IL2RA: variants seen among roughly 807,000 people sequenced by gnomAD.
The protein encoded by IL2RA is interleukin 2 receptor subunit alpha, also known as interleukin-2 receptor subunit alpha.
In IL2RA, 24 loss-of-function variants were observed where a neutral mutation model predicts 37.8. The observed-to-expected ratio is 0.63, with a 90% CI of 0.46 to 0.89. The LOEUF (loss-of-function observed/expected upper bound fraction) is 0.89. Among genes scored for constraint, IL2RA ranks in the 40% least tolerant of loss-of-function variants. IL2RA has a pLI of 0.00. For missense variants in IL2RA, 319 were observed against 348.6 expected (o/e 0.92, Z 0.68); for synonymous variants, 125 against 114.6 (o/e 1.09, Z -0.58).
intron 1 of IL2RA, among the ~76,000 whole-genome samples, chr10:6,027,450 A>C (rs1839503018): frequency 1.3e-5 from 2 of 152,234 alleles, no homozygotes; most frequent in Non-Finnish European, 2.9e-5. Flanking sequence ...AGGCAACATA[A>C]GTGCTCAATA....
chr10:6,060,693 G>T (rs967243552), intron 1 of IL2RA, among the ~76,000 whole-genome samples: 6 of 152,106 alleles, frequency 3.9e-5, no homozygotes, highest in Non-Finnish European at 5.9e-5. Context: ...TGAGGTGGAG[G>T]TTGCAGTGGA....
rs12722507 is a variant in IL2RA, at chr10:6,047,227, A to T, written c.64+14861T>A. Among the ~76,000 whole-genome samples, 359 of 152,314 alleles carry T rather than the reference A, an allele frequency of 2.4e-3. 3 individuals are homozygous for T. Among genetic ancestry groups the T allele is most frequent in the Non-Finnish European group, 4.0e-3 (274 of 68,026 alleles). ...TGTGGACACAGGTAGCCCAAGGAACAACCCCCATGCCAACAGCACTCCATC... is the reference window on the plus strand; with the variant it reads ...TGTGGACACAGGTAGCCCAAGGAACTACCCCCATGCCAACAGCACTCCATC... On this transcript the variant is annotated intron_variant, in intron 1 of 7. Transcript: ENST00000379959. This position sits in a 1 kb window ranked among gnomAD's most constrained non-coding sequence, Gnocchi z 5.0.
At chr10:6,043,253 T>C (rs982122005) in intron 1 of IL2RA, among the ~76,000 whole-genome samples, 11 of 152,098 alleles carry the variant, frequency 7.2e-5, no homozygotes, top group African/African-American at 2.7e-4. Flanking sequence ...AAAGCAAAGT[T>C]GCAAATAGAA....
Position 6,018,001 on chromosome 10 carries a change from G to C in IL2RA, c.794+52C>G. 6.8e-7 allele frequency: 1 copy of C among 1,471,102 alleles called. No individual in the cohort carries two copies. Among genetic ancestry groups the C allele is most frequent in the South Asian group, 1.2e-5 (1 of 85,798 alleles). 91.1% of individuals were successfully genotyped at this position (1,471,102 alleles called of 1,614,324 possible). A position where few individuals can be genotyped will look rare whatever the true frequency, so the allele number is the denominator to read the frequency against. Reference sequence around the variant, plus strand: ...GGTAGGGGGGAGGCAGGGTGGGGCTGGGTACAGGACTTTGATCTGACCAAG... The same window carrying C: ...GGTAGGGGGGAGGCAGGGTGGGGCTCGGTACAGGACTTTGATCTGACCAAG... On this transcript the variant is annotated intron_variant, in intron 7 of 7. Coordinates refer to ENST00000379959, the MANE Select transcript of IL2RA (RefSeq NM_000417.3). The surrounding 1 kb of genome is among the most constrained non-coding windows in gnomAD (Gnocchi z 5.1).
intron 1 of IL2RA, among the ~76,000 whole-genome samples, chr10:6,050,481 A>G (rs11256516): frequency 0.23 from 34,571 of 152,050 alleles, 4,581 homozygotes; most frequent in East Asian, 0.33. Flanking sequence ...TCTCTACTAA[A>G]AATACAAAAA....
rs1839243303 is a variant in IL2RA, at chr10:6,014,369, C to G, written c.795-1473G>C. 6.6e-6 allele frequency among the ~76,000 whole-genome samples: 1 copy of G among 152,084 alleles called. No homozygotes were observed. Among genetic ancestry groups the G allele is most frequent in the Admixed American group, 6.5e-5 (1 of 15,276 alleles). ...GGGCACCATGGGTTGATATCAGATTCTAGGAAGGCTTTTGGACAAACTGAC... is the reference window on the plus strand; with the variant it reads ...GGGCACCATGGGTTGATATCAGATTGTAGGAAGGCTTTTGGACAAACTGAC... On this transcript the variant is annotated intron_variant, in intron 7 of 7. Coordinates refer to ENST00000379959, the MANE Select transcript of IL2RA (RefSeq NM_000417.3). This position sits in a 1 kb window ranked among gnomAD's most constrained non-coding sequence, Gnocchi z 4.4.
rs1018828946 is a variant in IL2RA at position 6,028,823 on chromosome 10, T to C, written c.65-2798A>G. Among the ~76,000 whole-genome samples the C allele has an allele frequency of 3.3e-5, 5 of 151,874 alleles. No homozygotes were observed. The highest frequency in any genetic ancestry group is 2.6e-4 in the Admixed American group (4 of 15,248). The stretch of plus-strand genomic sequence containing the variant: ...GACCAGCCTGGCCAGCATGGTGACA[T>C]CCCATCTATACTAAAAATACAAAAG... On this transcript the variant is annotated intron_variant, in intron 1 of 7. Transcript: ENST00000379959. This position sits in a 1 kb window ranked among gnomAD's most constrained non-coding sequence, Gnocchi z 4.1.
intron 1 of IL2RA, among the ~76,000 whole-genome samples, chr10:6,059,863 A>AT (rs1840097745): frequency 6.6e-6 from 1 of 152,156 alleles, no homozygotes; most frequent in Non-Finnish European, 1.5e-5. Flanking sequence ...GTATTACTAT[A>AT]TTTATATCTA....
In IL2RA at chr10:6,018,085, G is replaced by T; in HGVS notation, c.762C>A (p.Leu254=). The T allele has an allele frequency of 6.2e-7, 1 of 1,614,038 alleles. No homozygotes were observed. Among genetic ancestry groups the T allele is most frequent in the South Asian group, 1.1e-5 (1 of 91,062 alleles). ...AGCVFLLISV[L]LLSGLTWQRR... is the part of the protein sequence containing the mutation. ...GCTGCCAGGTGAGCCCACTCAGGAGGAGGACGCTGATCAGCAGGAAAACAC... is the reference window on the plus strand; with the variant it reads ...GCTGCCAGGTGAGCCCACTCAGGAGTAGGACGCTGATCAGCAGGAAAACAC... Residue 254 remains leucine (L), a synonymous_variant, in exon 7 of 8, where the codon CTC becomes CTA. Coordinates refer to ENST00000379959, the MANE Select transcript of IL2RA (RefSeq NM_000417.3). This position sits in a 1 kb window ranked among gnomAD's most constrained non-coding sequence, Gnocchi z 5.1.
At chr10:6,050,805 G>C (rs577407613) in intron 1 of IL2RA, among the ~76,000 whole-genome samples, 1 of 152,332 alleles carries the variant, frequency 6.6e-6, no homozygotes, top group East Asian at 1.9e-4. Flanking sequence ...GGAGGAGGAG[G>C]ATGGGTGCCC....
chr10:6,028,545 G>A lies in IL2RA; in HGVS notation c.65-2520C>T, dbSNP rs1186105614. Among the ~76,000 whole-genome samples, 1 of 152,154 alleles carries A rather than the reference G, an allele frequency of 6.6e-6. No homozygotes were observed. Among genetic ancestry groups the A allele is most frequent in the African/African-American group, 2.4e-5 (1 of 41,440 alleles). On this transcript the variant is annotated intron_variant, in intron 1 of 7. Coordinates refer to ENST00000379959, the MANE Select transcript of IL2RA (RefSeq NM_000417.3). This position sits in a 1 kb window ranked among gnomAD's most constrained non-coding sequence, Gnocchi z 4.1. Reference sequence around the variant, plus strand: ...GATGCGCTAGTCATTTAACTGCCTGGCAGAGCAAAATGCATTACCTTTTAA... The same window carrying A: ...GATGCGCTAGTCATTTAACTGCCTGACAGAGCAAAATGCATTACCTTTTAA...
chr10:6,018,209 C>T lies in IL2RA; in HGVS notation c.728-90G>A. 2.2e-6 allele frequency: 2 copies of T among 928,278 alleles called. No individual in the cohort carries two copies. The highest frequency in any genetic ancestry group is 3.4e-6 in the Non-Finnish European group (2 of 595,730). The allele number at this position is 928,278 out of a possible 1,614,324, so 57.5% of individuals were successfully genotyped here. A position where few individuals can be genotyped will look rare whatever the true frequency, so the allele number is the denominator to read the frequency against. ...GGGCCACAGGGCAGGCTGAGGACAT[C>T]CCCAAAGAGCAAGGCGGAGGCTGCA... On this transcript the variant is annotated intron_variant, in intron 6 of 7. Coordinates refer to ENST00000379959, the MANE Select transcript of IL2RA (RefSeq NM_000417.3). The surrounding 1 kb of genome is among the most constrained non-coding windows in gnomAD (Gnocchi z 5.1).
Position 6,033,400 on chromosome 10 carries a change from T to C in IL2RA, c.65-7375A>G, listed in dbSNP as rs546274780. ...CCCTACAATTCAGCAATTCTACTTC[T>C]AGGTATTTATCTAAGAGGAATGAAG... On this transcript the variant is annotated intron_variant, in intron 1 of 7. Coordinates refer to ENST00000379959, the MANE Select transcript of IL2RA (RefSeq NM_000417.3). This position sits in a 1 kb window ranked among gnomAD's most constrained non-coding sequence, Gnocchi z 4.3. Among the ~76,000 whole-genome samples, 1 of 152,312 alleles carries C rather than the reference T, an allele frequency of 6.6e-6. No homozygotes were observed. Among genetic ancestry groups the C allele is most frequent in the Admixed American group, 6.5e-5 (1 of 15,298 alleles).
At chr10:6,019,789 T>C (rs1290960012) in intron 5 of IL2RA, 81 bp downstream of exon 5, 6 of 1,328,132 alleles carry the variant, frequency 4.5e-6, no homozygotes, top group Non-Finnish European at 6.5e-6. Context: ...CACCTCCGCC[T>C]ATCTCCCTGA....
Position 6,054,343 on chromosome 10 carries a change from G to T in IL2RA, c.64+7745C>A, listed in dbSNP as rs1840009782. Among the ~76,000 whole-genome samples the T allele has an allele frequency of 6.6e-6, 1 of 152,144 alleles. No homozygotes were observed. The highest frequency in any genetic ancestry group is 1.5e-5 in the Non-Finnish European group (1 of 68,028). ...GGGAAACAAGACCCAGGAACTCTTT[G>T]GCTGCCATCCAGGGTCATGTGGTGC... On this transcript the variant is annotated intron_variant, in intron 1 of 7. Coordinates refer to ENST00000379959, the MANE Select transcript of IL2RA (RefSeq NM_000417.3). The surrounding 1 kb of genome is among the most constrained non-coding windows in gnomAD (Gnocchi z 4.5).
At position 6,035,575 on chromosome 10, in the gene IL2RA, A is replaced by G. The variant is rs1018383680; in HGVS notation, c.65-9550T>C. 3.3e-5 allele frequency among the ~76,000 whole-genome samples: 5 copies of G among 152,300 alleles called. No individual in the cohort carries two copies. The highest frequency in any genetic ancestry group is 1.2e-4 in the African/African-American group (5 of 41,566). ...ACTCTGGACACTGTTAAGGTGAGAA[A>G]AGAAAAGAAATCGGGGCTCCCAGGA... On this transcript the variant is annotated intron_variant, in intron 1 of 7. Coordinates refer to ENST00000379959, the MANE Select transcript of IL2RA (RefSeq NM_000417.3). This position sits in a 1 kb window ranked among gnomAD's most constrained non-coding sequence, Gnocchi z 5.4.
At chr10:6,059,166 A>T (rs3118469) in intron 1 of IL2RA, among the ~76,000 whole-genome samples, 36,869 of 152,146 alleles carry the variant, frequency 0.24, 5,223 homozygotes, top group South Asian at 0.32. Flanking sequence ...GTCTTTGGCC[A>T]CTGGGTCCTC....
rs968729213 is a variant in IL2RA at position 6,020,534 on chromosome 10, G to C, written c.584-593C>G. On this transcript the variant is annotated intron_variant, in intron 4 of 7. Coordinates refer to ENST00000379959, the MANE Select transcript of IL2RA (RefSeq NM_000417.3). This position sits in a 1 kb window ranked among gnomAD's most constrained non-coding sequence, Gnocchi z 5.6. Reference sequence around the variant, plus strand: ...AAACCAGGAATACTTGTGGTTGAATGTAAGTCACTTTTTTTTTTTGAGACG... The same window carrying C: ...AAACCAGGAATACTTGTGGTTGAATCTAAGTCACTTTTTTTTTTTGAGACG... Among the ~76,000 whole-genome samples the C allele has an allele frequency of 7.3e-6, 1 of 136,152 alleles. No homozygotes were observed. Among genetic ancestry groups the C allele is most frequent in the African/African-American group, 2.9e-5 (1 of 34,638 alleles). The allele number at this position is 136,152 out of a possible 152,430, so 89.3% of individuals were successfully genotyped here.
rs1202353900 is a variant in IL2RA, at chr10:6,048,917, G to T, written c.64+13171C>A. Among the ~76,000 whole-genome samples, 1 of 152,228 alleles carries T rather than the reference G, an allele frequency of 6.6e-6. No individual in the cohort carries two copies. Among genetic ancestry groups the T allele is most frequent in the Admixed American group, 6.5e-5 (1 of 15,290 alleles). Reference sequence around the variant, plus strand: ...TTCCACTATGTGCCTGAGCTCTCCTGCCTTGCGGGACTCTGCGTGGCTCTT... The same window carrying T: ...TTCCACTATGTGCCTGAGCTCTCCTTCCTTGCGGGACTCTGCGTGGCTCTT... On this transcript the variant is annotated intron_variant, in intron 1 of 7. Coordinates refer to ENST00000379959, the MANE Select transcript of IL2RA (RefSeq NM_000417.3). This position sits in a 1 kb window ranked among gnomAD's most constrained non-coding sequence, Gnocchi z 5.3.
Sources: allele counts gnomAD v4.1 joint callset (sites outside exome capture counted in the v4.1 genomes callset), GRCh38; gene constraint gnomAD v4.1.1; non-coding constraint Gnocchi (gnomAD v3.1); transcripts MANE v1.5; gene names NCBI Gene and HGNC (gene_info 2026-07-23, HGNC 2026-07-21).